Variants in SPPL3 observed in about 807,000 individuals in gnomAD.
SPPL3 encodes signal peptide peptidase-like 3.
A neutral mutation model predicts 42.4 loss-of-function variants in SPPL3; 5 were observed. The ratio of observed to expected loss-of-function variants is 0.12; its 90% CI spans 0.06 to 0.25. The LOEUF (loss-of-function observed/expected upper bound fraction) is 0.25. SPPL3 is among the 10% of genes least tolerant of loss of function. The probability of loss-of-function intolerance (pLI) is 1.00; values close to 1 mark genes in which losing one functional copy is unlikely to be tolerated. For missense variants in SPPL3, 235 were observed against 489.0 expected (o/e 0.48, Z 4.90); for synonymous variants, 195 against 181.8 (o/e 1.07, Z -0.58).
rs187108453 is a variant in SPPL3 at position 120,811,006 on chromosome 12, G to T, written c.24-120C>A. ...GTTTTTATCTTTAAGAAGGAAAAAA[G>T]GTATAAATTAGCATTAACAAAATAA... On this transcript the variant is annotated intron_variant, in intron 1 of 10. Coordinates refer to ENST00000353487, the MANE Select transcript of SPPL3 (RefSeq NM_139015.5). 1.2e-5 allele frequency: 7 copies of T among 582,084 alleles called. No homozygotes were observed. In the South Asian group the frequency reaches 1.7e-4, roughly 14 times the overall value. 36.1% of individuals were successfully genotyped at this position (582,084 alleles called of 1,614,324 possible). A position where few individuals can be genotyped will look rare whatever the true frequency, so the allele number is the denominator to read the frequency against.
At chr12:120,768,694 G>T in intron 7 of SPPL3, 1 of 668,418 alleles carries the variant, frequency 1.5e-6, no homozygotes, top group Non-Finnish European at 2.5e-6. Context: ...CCCTGACGGG[G>T]TGGCCCCCAC....
At chr12:120,864,977 G>A (rs572535997) in intron 1 of SPPL3, among the ~76,000 whole-genome samples, 1 of 152,244 alleles carries the variant, frequency 6.6e-6, no homozygotes, top group African/African-American at 2.4e-5. Context: ...CTTGATTCAC[G>A]CTTAGGCACC....
At chr12:120,840,202 C>A (rs555182653) in intron 1 of SPPL3, among the ~76,000 whole-genome samples, 1 of 140,826 alleles carries the variant, frequency 7.1e-6, no homozygotes, top group Non-Finnish European at 1.5e-5. Flanking sequence ...TGCTTGAACC[C>A]GGCGGGTGGA....
chr12:120,827,235 G>T (rs972957684), intron 1 of SPPL3, among the ~76,000 whole-genome samples: 6 of 151,596 alleles, frequency 4.0e-5, no homozygotes, highest in Non-Finnish European at 7.4e-5. Flanking sequence ...TAACAGGGAA[G>T]TAGTTCTTTA....
At chr12:120,835,007 T>C (rs1429342879) in intron 1 of SPPL3, among the ~76,000 whole-genome samples, 1 of 152,250 alleles carries the variant, frequency 6.6e-6, no homozygotes, top group Non-Finnish European at 1.5e-5. Flanking sequence ...GCAGCTTAGT[T>C]TGTTGTAACA....
chr12:120,873,572 G>A (rs374739087), intron 1 of SPPL3, among the ~76,000 whole-genome samples: 5 of 152,204 alleles, frequency 3.3e-5, no homozygotes, highest in Admixed American at 6.5e-5. Context: ...GTATTATTCA[G>A]AGAAACAAAA....
At chr12:120,899,799 A>G (rs2137073380) in intron 1 of SPPL3, among the ~76,000 whole-genome samples, 1 of 151,438 alleles carries the variant, frequency 6.6e-6, no homozygotes, top group East Asian at 1.9e-4. Flanking sequence ...AGGCTGAGGC[A>G]CAAGAATCGC....
At chr12:120,766,139 CACAG>C (rs1868893828) in intron 10 of SPPL3, 120 bp downstream of exon 10, 2 of 684,438 alleles carry the variant, frequency 2.9e-6, no homozygotes, top group Non-Finnish European at 4.8e-6. Flanking sequence ...CACACACACA[CACAG>C]TCGAGATCAC....
At position 120,781,555 on chromosome 12, in the gene SPPL3, G is replaced by GTGTTTTTTTTTTTTTTTTTTTTTTT. The variant is rs1869541007; in HGVS notation, c.502+1099_502+1100insAAAAAAAAAAAAAAAAAAAAAAACA. ...TCTAATCCCATCTCCTTATTGTTAC[G>GTGTTTTTTTTTTTTTTTTTTTTTTT]TTTTTTTTTTTTTTTTTTTTTTTTT... On this transcript the variant is annotated intron_variant, in intron 6 of 10. Coordinates refer to ENST00000353487, the MANE Select transcript of SPPL3 (RefSeq NM_139015.5). Among the ~76,000 whole-genome samples, 3 of 62,994 alleles carry GTGTTTTTTTTTTTTTTTTTTTTTTT rather than the reference G, an allele frequency of 4.8e-5. 1 individual carries two copies. Among genetic ancestry groups the GTGTTTTTTTTTTTTTTTTTTTTTTT allele is most frequent in the African/African-American group, 1.4e-4 (2 of 14,614 alleles). 41.3% of individuals were successfully genotyped at this position (62,994 alleles called of 152,430 possible). A position where few individuals can be genotyped will look rare whatever the true frequency, so the allele number is the denominator to read the frequency against.
intron 6 of SPPL3, among the ~76,000 whole-genome samples, chr12:120,778,643 G>A (rs553478240): frequency 6.6e-6 from 1 of 152,050 alleles, no homozygotes; most frequent in African/African-American, 2.4e-5. Flanking sequence ...TTTTAAAATT[G>A]TAAGTATAAC....
intron 1 of SPPL3, among the ~76,000 whole-genome samples, chr12:120,891,736 TAAAAAA>T (rs5801407): frequency 7.4e-6 from 1 of 134,646 alleles, no homozygotes; most frequent in Non-Finnish European, 1.6e-5. Flanking sequence ...TTGCAAATTC[TAAAAAA>T]AAAAAAAAAA....
intron 1 of SPPL3, among the ~76,000 whole-genome samples, chr12:120,850,371 C>T (rs1162330790): frequency 6.6e-6 from 1 of 151,716 alleles, no homozygotes; most frequent in Non-Finnish European, 1.5e-5. Flanking sequence ...AAGTTTATGC[C>T]GCATTGTAAG....
chr12:120,882,405 G>A (rs1164291483), intron 1 of SPPL3, among the ~76,000 whole-genome samples: 1 of 152,042 alleles, frequency 6.6e-6, no homozygotes, highest in Non-Finnish European at 1.5e-5. Context: ...CACTTAAAAT[G>A]GTCAATTTTA....
intron 1 of SPPL3, among the ~76,000 whole-genome samples, chr12:120,851,485 T>C (rs963921807): frequency 6.6e-6 from 1 of 152,142 alleles, no homozygotes; most frequent in African/African-American, 2.4e-5. Context: ...AAATGCCTAA[T>C]AGCTCTGTTC....
chr12:120,892,336 C>A (rs1350620852), intron 1 of SPPL3, among the ~76,000 whole-genome samples: 1 of 152,078 alleles, frequency 6.6e-6, no homozygotes, highest in Non-Finnish European at 1.5e-5. Context: ...ATCCTGAGTG[C>A]TGCCCACATG....
intron 2 of SPPL3, among the ~76,000 whole-genome samples, chr12:120,793,943 C>T (rs968764208): frequency 2.0e-5 from 3 of 152,160 alleles, no homozygotes; most frequent in African/African-American, 7.2e-5. Flanking sequence ...TTGTTGAAAT[C>T]CACTGTATCT....
intron 6 of SPPL3, among the ~76,000 whole-genome samples, chr12:120,781,787 G>T (rs1869556703): frequency 6.6e-6 from 1 of 151,310 alleles, no homozygotes; most frequent in African/African-American, 2.4e-5. Context: ...CACCATTTTA[G>T]CCATTTTAGC....
intron 1 of SPPL3, among the ~76,000 whole-genome samples, chr12:120,812,312 A>G (rs543786881): frequency 6.6e-6 from 1 of 151,970 alleles, no homozygotes; most frequent in Non-Finnish European, 1.5e-5. Flanking sequence ...TTGTATTTTT[A>G]GTAGAGATGG....
chr12:120,870,641 T>G (rs1872892676), intron 1 of SPPL3, among the ~76,000 whole-genome samples: 1 of 151,778 alleles, frequency 6.6e-6, no homozygotes, highest in Non-Finnish European at 1.5e-5. Flanking sequence ...CAAATATTAC[T>G]CAGCTTTAAA....
Sources: gnomAD v4.1 joint callset for allele counts (sites outside exome capture counted in the v4.1 genomes callset) on GRCh38, gnomAD v4.1.1 for gene constraint, MANE v1.5 for transcripts, NCBI Gene and HGNC (gene_info 2026-07-23, HGNC 2026-07-21) for gene names.